Variants in GRID2 observed in about 807,000 individuals in gnomAD.
GRID2 encodes the protein glutamate receptor ionotropic, delta-2.
Under a neutral mutation model 114.8 loss-of-function variants are expected in GRID2, and 33 were observed. The observed-to-expected ratio is 0.29, with a 90% confidence interval of 0.22 to 0.38. GRID2 has a LOEUF of 0.38. GRID2 is among the 10% of genes least tolerant of loss of function. GRID2 has a pLI of 1.00. For missense variants in GRID2, 1,184 were observed against 1,257.7 expected, an observed-to-expected ratio of 0.94 and a Z score of 0.89; for synonymous variants, 505 against 449.9, an observed-to-expected ratio of 1.12 and a Z score of -1.55.
chr4:92,794,587 C>A (rs1157992053), intron 2 of GRID2, among the ~76,000 whole-genome samples: 9 of 151,408 alleles, frequency 5.9e-5, no homozygotes, highest in African/African-American at 1.9e-4. Context: ...CCAAAAACTG[C>A]CGAATATTTG....
intron 8 of GRID2, among the ~76,000 whole-genome samples, chr4:93,242,957 A>G (rs563428442): frequency 3.5e-4 from 54 of 152,172 alleles, no homozygotes; most frequent in African/African-American, 1.2e-3. Context: ...TCCTTAAGTA[A>G]TAACTCCTGT....
intron 5 of GRID2, among the ~76,000 whole-genome samples, chr4:93,210,276 T>A (rs984747963): frequency 2.6e-5 from 4 of 152,062 alleles, no homozygotes; most frequent in Admixed American, 1.3e-4. Flanking sequence ...TATAATAAAA[T>A]GGTCCAGTTT....
chr4:93,509,851 C>A (rs561450685), intron 12 of GRID2, among the ~76,000 whole-genome samples: 1 of 152,264 alleles, frequency 6.6e-6, no homozygotes, highest in Admixed American at 6.5e-5. Flanking sequence ...CATTTTGGAT[C>A]ACTTTTTATG....
In GRID2 at chr4:93,110,859, C is replaced by A. The variant is rs762632038; in HGVS notation, c.641C>A (p.Thr214Asn). The change falls in exon 4 of 16, where the codon ACC becomes AAC. Residue 214 changes from threonine (T) to asparagine (N), a missense_variant. Physicochemically the swap from Thr to Asn is moderately conservative, Grantham distance 65 (BLOSUM62 0). Around this residue, in one of 3 missense-constraint regions of GRID2, gnomAD observed 455 missense variants for 429.5 expected, o/e 1.06. Transcript: ENST00000282020. ...INKMITTLFDTMRIEELNRYR... is the reference protein window; with the variant it reads ...INKMITTLFDNMRIEELNRYR... ...AAAATGATTACCACTCTCTTTGACA[C>A]CATGAGAATAGAAGAACTGAATCGC... 2 of 1,610,730 alleles carry A rather than the reference C, an allele frequency of 1.2e-6. No homozygotes were observed. Among genetic ancestry groups the A allele is most frequent in the South Asian group, 2.2e-5 (2 of 91,020 alleles).
intron 12 of GRID2, among the ~76,000 whole-genome samples, chr4:93,497,544 C>G (rs750488192): frequency 5.3e-5 from 8 of 151,672 alleles, no homozygotes; most frequent in African/African-American, 1.9e-4. Flanking sequence ...GTATAAAGTG[C>G]AACGTTTAGG....
intron 14 of GRID2, among the ~76,000 whole-genome samples, chr4:93,743,040 A>G (rs1731550238): frequency 6.6e-6 from 1 of 152,208 alleles, no homozygotes; most frequent in South Asian, 2.1e-4. Flanking sequence ...AAGGAAATTA[A>G]AAGTGCTACT....
chr4:92,497,385 T>C (rs1035290890), intron 1 of GRID2, among the ~76,000 whole-genome samples: 1 of 151,834 alleles, frequency 6.6e-6, no homozygotes, highest in African/African-American at 2.4e-5. Flanking sequence ...TGGAGAAATC[T>C]GAAAGAAGGT....
intron 3 of GRID2, among the ~76,000 whole-genome samples, chr4:93,098,809 G>A (rs1356152898): frequency 6.6e-6 from 1 of 151,858 alleles, no homozygotes; most frequent in East Asian, 1.9e-4. Context: ...ATGACAGGGA[G>A]CTAAACAGTT....
rs181464790 is a variant in GRID2 at position 93,122,860 on chromosome 4, G to A, written c.735+11907G>A. Among the ~76,000 whole-genome samples, 573 of 132,794 alleles carry A rather than the reference G, an allele frequency of 4.3e-3. 7 individuals are homozygous for A. Among genetic ancestry groups the A allele is most frequent in the African/African-American group, 0.015 (543 of 35,340 alleles). 87.1% of individuals were successfully genotyped at this position (132,794 alleles called of 152,430 possible). A position where few individuals can be genotyped will look rare whatever the true frequency, so the allele number is the denominator to read the frequency against. On this transcript the variant is annotated intron_variant, in intron 4 of 15. Transcript: ENST00000282020. ...CTTTATAAGCTTGTATTGAAAGGCA[G>A]CTCTGTTACTAGTCAATCCACAGAT... is the stretch of plus-strand genomic sequence containing the variant.
chr4:92,409,098 G>GTATGATA, intron 1 of GRID2, among the ~76,000 whole-genome samples: 1 of 152,202 alleles, frequency 6.6e-6, no homozygotes, highest in Middle Eastern at 3.4e-3. Flanking sequence ...TGATTTGGCT[G>GTATGATA]TGGGTTTCTC....
chr4:93,450,106 T>A (rs1722535960), intron 10 of GRID2, among the ~76,000 whole-genome samples: 1 of 151,944 alleles, frequency 6.6e-6, no homozygotes, highest in African/African-American at 2.4e-5. Context: ...TTAAAAAGTG[T>A]ATAATTTATA....
intron 4 of GRID2, among the ~76,000 whole-genome samples, chr4:93,169,899 A>AT (rs1021004428): frequency 6.6e-5 from 10 of 152,338 alleles, no homozygotes; most frequent in African/African-American, 2.2e-4. Context: ...GAATCAAGTG[A>AT]TTTTGAATGA....
chr4:92,509,223 G>GA (rs1412756335), intron 1 of GRID2, among the ~76,000 whole-genome samples: 4 of 151,924 alleles, frequency 2.6e-5, no homozygotes, highest in African/African-American at 9.6e-5. Flanking sequence ...CAAAACTTCA[G>GA]AAAAAAACAT....
chr4:93,784,645 TACACACACACACAC>T (rs59896203), intron 1 of GRID2, among the ~76,000 whole-genome samples: 121 of 147,738 alleles, frequency 8.2e-4, no homozygotes, highest in African/African-American at 2.9e-3. Flanking sequence ...GTCCTTTTTA[TACACACACACACAC>T]ACACACACAC....
chr4:93,196,717 T>C (rs1741530150), intron 4 of GRID2, among the ~76,000 whole-genome samples: 1 of 152,168 alleles, frequency 6.6e-6, no homozygotes, highest in African/African-American at 2.4e-5. Flanking sequence ...AGATGCTTAA[T>C]TGCCATGTTG....
At chr4:92,784,968 T>G (rs763089622) in intron 2 of GRID2, among the ~76,000 whole-genome samples, 16 of 151,864 alleles carry the variant, frequency 1.1e-4, no homozygotes, top group Non-Finnish European at 2.2e-4. Context: ...GTAGCACTAT[T>G]AAACATTATA....
At chr4:92,671,618 A>T (rs1485067349) in intron 2 of GRID2, among the ~76,000 whole-genome samples, 2 of 152,138 alleles carry the variant, frequency 1.3e-5, no homozygotes, top group Admixed American at 6.6e-5. Flanking sequence ...ATAAGAAATA[A>T]GGAATAGATT....
At chr4:92,942,580 C>G (rs952442036) in intron 2 of GRID2, among the ~76,000 whole-genome samples, 1 of 151,996 alleles carries the variant, frequency 6.6e-6, no homozygotes, top group African/African-American at 2.4e-5. Context: ...TTTAAGGTTC[C>G]TATTGTTATG....
chr4:92,728,876 G>A (rs556516794), intron 2 of GRID2, among the ~76,000 whole-genome samples: 135 of 79,694 alleles, frequency 1.7e-3, no homozygotes, highest in African/African-American at 5.6e-3. Flanking sequence ...TAGCTCTACT[G>A]TTGCTAAACT....
Sources: gnomAD v4.1 joint callset for allele counts (sites outside exome capture counted in the v4.1 genomes callset) on GRCh38, gnomAD v4.1.1 for gene constraint, gnomAD v4.1.1 regional missense constraint, MANE v1.5 for transcripts, NCBI Gene and HGNC (gene_info 2026-07-23, HGNC 2026-07-21) for gene names.